Variants in UNC93A observed in about 807,000 individuals in gnomAD.
UNC93A encodes the protein unc-93 homolog A, also known as N-acetylglucosamine transporter UNC93A.
UNC93A carries 43 observed loss-of-function variants against 47.5 expected under a neutral mutation model. The observed-to-expected ratio is 0.91, with a 90% CI of 0.71 to 1.17. UNC93A has a LOEUF of 1.17. Among genes scored for constraint, UNC93A ranks in the 50% most tolerant of loss-of-function variants. UNC93A has a pLI of 0.00. For synonymous variants in UNC93A, 280 were observed against 258.0 expected (o/e 1.09, Z -0.82); for missense variants, 605 against 577.6 (o/e 1.05, Z -0.49).
chr6:167,280,795 G>T (rs1464474121), intron 1 of UNC93A, among the ~76,000 whole-genome samples: 1 of 152,132 alleles, frequency 6.6e-6, no homozygotes, highest in Non-Finnish European at 1.5e-5. Flanking sequence ...CACTGTTAAG[G>T]AAATACAGCA....
At position 167,301,213 on chromosome 6, in the gene UNC93A, C is replaced by T. The variant is rs868783957; in HGVS notation, c.626-2706C>T. On this transcript the variant is annotated intron_variant, in intron 4 of 7. Coordinates refer to ENST00000230256, the MANE Select transcript of UNC93A (RefSeq NM_018974.4). Reference sequence around the variant, plus strand: ...CAGGTGGCTGTTGTCTGTGGAACCTCCCCTGCAGGGTTACCCCCAGTGTGC... The same window carrying T: ...CAGGTGGCTGTTGTCTGTGGAACCTTCCCTGCAGGGTTACCCCCAGTGTGC... Among the ~76,000 whole-genome samples the T allele has an allele frequency of 5.3e-5, 8 of 152,222 alleles. No individual in the cohort carries two copies. In the South Asian group the frequency reaches 6.2e-4, roughly 12 times the overall value.
chr6:167,285,974 A>ATT lies in UNC93A; in HGVS notation c.-51-5464_-51-5463insTT, dbSNP rs1562344344. 5.6e-4 allele frequency among the ~76,000 whole-genome samples: 83 copies of ATT among 148,198 alleles called. 1 individual carries two copies. The highest frequency in any genetic ancestry group is 3.4e-3 in the Middle Eastern group (1 of 290). On this transcript the variant is annotated intron_variant, in intron 1 of 3. Coordinates refer to the UNC93A transcript ENST00000503433. ...TCTCTCTCTCTCTATATATATATATATATATACACACACACACACAATGAG... is the reference window on the plus strand; with the variant it reads ...TCTCTCTCTCTCTATATATATATATATTTATATACACACACACACACAATGAG...
chr6:167,269,506 G>A (rs1177927165), upstream of UNC93A, among the ~76,000 whole-genome samples: 1 of 152,058 alleles, frequency 6.6e-6, no homozygotes, highest in Non-Finnish European at 1.5e-5. Flanking sequence ...ATGACAATGT[G>A]GCAAATAAAG....
chr6:167,290,570 C>T (rs966277059), upstream of UNC93A, among the ~76,000 whole-genome samples: 5 of 152,162 alleles, frequency 3.3e-5, no homozygotes, highest in East Asian at 9.6e-4. Flanking sequence ...CAGACTTACC[C>T]CGTCTAATAC....
rs73257116 is a variant in UNC93A, at chr6:167,275,782, C to T, written c.-52+4324C>T. Among the ~76,000 whole-genome samples the T allele has an allele frequency of 4.6e-5, 7 of 152,262 alleles. No individual in the cohort carries two copies. In the East Asian group the frequency reaches 1.2e-3, roughly 25 times the overall value. On this transcript the variant is annotated intron_variant, in intron 1 of 3. Coordinates refer to the UNC93A transcript ENST00000503433. ...CTCAGATGCAACCTTGTGCTCCTCA[C>T]GGGTTGTATGCTCGAGTATCCAAGA... is the stretch of plus-strand genomic sequence containing the variant.
chr6:167,286,582 G>A (rs1265188890), upstream of UNC93A, among the ~76,000 whole-genome samples: 1 of 152,176 alleles, frequency 6.6e-6, no homozygotes, highest in Non-Finnish European at 1.5e-5. Context: ...GGTTGTGAGA[G>A]CAAAGGCACG....
exon 1 of UNC93A, chr6:167,271,341 AAG>A (rs1783448514): frequency 6.7e-6 from 1 of 149,808 alleles, no homozygotes; most frequent in South Asian, 2.1e-4. Context: ...AGAGTTAAGA[AAG>A]AGCGAGAACC....
upstream of UNC93A, among the ~76,000 whole-genome samples, chr6:167,270,166 T>A (rs1783428692): frequency 6.6e-6 from 1 of 152,090 alleles, no homozygotes; most frequent in Admixed American, 6.5e-5. Flanking sequence ...GGCTGTGGCA[T>A]CTATTGACCA....
upstream of UNC93A, among the ~76,000 whole-genome samples, chr6:167,286,793 C>T (rs1783742078): frequency 6.6e-6 from 1 of 151,938 alleles, no homozygotes; most frequent in Non-Finnish European, 1.5e-5. Context: ...GCCTGGGCAA[C>T]ACGGTGAAAC....
chr6:167,273,217 C>G (rs143233289), intron 1 of UNC93A, among the ~76,000 whole-genome samples: 1 of 152,188 alleles, frequency 6.6e-6, no homozygotes, highest in Non-Finnish European at 1.5e-5. Flanking sequence ...CTTGTGCACG[C>G]TGGGTCAGGC....
chr6:167,302,396 C>T (rs879841542), intron 4 of UNC93A, among the ~76,000 whole-genome samples: 2 of 152,042 alleles, frequency 1.3e-5, no homozygotes, highest in Non-Finnish European at 2.9e-5. Context: ...AGAAATGAAC[C>T]GTTCTGAAAG....
rs1308026993 is a variant in UNC93A, at chr6:167,285,414, C to G, written c.-51-6025C>G. Among the ~76,000 whole-genome samples, 2 of 151,816 alleles carry G rather than the reference C, an allele frequency of 1.3e-5. 1 individual carries two copies. Among genetic ancestry groups the G allele is most frequent in the Admixed American group, 1.3e-4 (2 of 15,154 alleles). The stretch of plus-strand genomic sequence containing the variant: ...ACAGCTCATCATAAACAGGTCAGGA[C>G]AAAAGGAGTTGCCAGCCAGGAGGGG... On this transcript the variant is annotated intron_variant, in intron 1 of 3. Transcript: ENST00000503433.
chr6:167,305,320 C>T (rs948320822), intron 5 of UNC93A, among the ~76,000 whole-genome samples: 1 of 152,214 alleles, frequency 6.6e-6, no homozygotes, highest in African/African-American at 2.4e-5. Context: ...GAAAGGTCTA[C>T]TTGGCGTTTT....
chr6:167,280,031 A>C (rs2346162), intron 1 of UNC93A, among the ~76,000 whole-genome samples: 2 of 152,216 alleles, frequency 1.3e-5, no homozygotes, highest in African/African-American at 4.8e-5. Context: ...GCACAAGAAG[A>C]TGCTTGCTTT....
At chr6:167,290,820 C>T (rs1401828232), upstream of UNC93A, among the ~76,000 whole-genome samples, 1 of 152,156 alleles carries the variant, frequency 6.6e-6, no homozygotes, top group Non-Finnish European at 1.5e-5. Context: ...TAGCATAGCA[C>T]TATTGTTGGT....
upstream of UNC93A, among the ~76,000 whole-genome samples, chr6:167,269,304 T>C (rs1300503493): frequency 6.6e-6 from 1 of 152,184 alleles, no homozygotes; most frequent in Non-Finnish European, 1.5e-5. Context: ...TCAGGAGCTG[T>C]AGTGGATACA....
In UNC93A at chr6:167,315,241, G is replaced by T. The variant is rs200775978; in HGVS notation, c.1163G>T (p.Arg388Leu). 1.2e-6 allele frequency: 2 copies of T among 1,613,636 alleles called. No individual in the cohort carries two copies. The highest frequency in any genetic ancestry group is 2.7e-5 in the African/African-American group (2 of 74,854). Residue 388 changes from arginine (R) to leucine (L), a missense_variant, in exon 8 of 8, where the codon CGC becomes CTC. Physicochemically the swap from Arg to Leu is moderately radical, Grantham distance 102 (BLOSUM62 -2). Coordinates refer to ENST00000230256, the MANE Select transcript of UNC93A (RefSeq NM_018974.4). ...AAGGAAGCTGCCTTCGCCAATTACC[G>T]CCTGTGGGAGGCCCTGGGCTTCGTC... ...KSKEAAFANY[R>L]LWEALGFVIA...
At chr6:167,307,597 T>G (rs760288529) in intron 6 of UNC93A, among the ~76,000 whole-genome samples, 182 bp from the exon 7 acceptor site, 3 of 151,586 alleles carry the variant, frequency 2.0e-5, no homozygotes, top group Non-Finnish European at 2.9e-5. Context: ...TTGAGATGGT[T>G]GAGATGGTTC....
At chr6:167,295,925 G>T (rs561569578) in intron 2 of UNC93A, 107 bp from the exon 3 acceptor site, 4 of 1,000,094 alleles carry the variant, frequency 4.0e-6, no homozygotes, top group Non-Finnish European at 6.0e-6. Flanking sequence ...CTTGCAATGG[G>T]CCAGGCGGTG....
Sources: gnomAD v4.1 joint callset for allele counts (sites outside exome capture counted in the v4.1 genomes callset) on GRCh38, gnomAD v4.1.1 for gene constraint, MANE v1.5 for transcripts, NCBI Gene and HGNC (gene_info 2026-07-23, HGNC 2026-07-21) for gene names.